RAB3IP: variants seen among roughly 807,000 people sequenced by gnomAD.
The protein encoded by RAB3IP is RAB3A interacting protein.
A neutral mutation model predicts 59.1 loss-of-function variants in RAB3IP; 36 were observed. The ratio of observed to expected loss-of-function variants is 0.61; its 90% CI spans 0.47 to 0.80. The LOEUF is 0.80. RAB3IP is among the 30% of genes least tolerant of loss of function. RAB3IP has a pLI of 0.00. For missense variants in RAB3IP, 511 were observed against 536.0 expected, an observed-to-expected ratio of 0.95 and a Z score of 0.46; for synonymous variants, 207 against 191.2, an observed-to-expected ratio of 1.08 and a Z score of -0.68.
intron 3 of RAB3IP, among the ~76,000 whole-genome samples, chr12:69,757,123 G>C (rs2136130907): frequency 6.6e-6 from 1 of 152,174 alleles, no homozygotes; most frequent in East Asian, 1.9e-4. Flanking sequence ...TTTCCCATTT[G>C]GTCATTTTAA....
chr12:69,762,714 G>A (rs1250326574), intron 3 of RAB3IP, among the ~76,000 whole-genome samples: 1 of 125,640 alleles, frequency 8.0e-6, no homozygotes, highest in Non-Finnish European at 1.6e-5. Flanking sequence ...CTGAGATTGC[G>A]CCACTGCACT....
At chr12:69,786,665 T>G (rs1875701861) in intron 4 of RAB3IP, among the ~76,000 whole-genome samples, 1 of 152,186 alleles carries the variant, frequency 6.6e-6, no homozygotes, top group Non-Finnish European at 1.5e-5. Flanking sequence ...GCATTTAATT[T>G]AGCTAGCCCT....
chr12:69,759,578 G>A (rs1465128137), intron 3 of RAB3IP, among the ~76,000 whole-genome samples: 1 of 143,476 alleles, frequency 7.0e-6, no homozygotes, highest in Non-Finnish European at 1.5e-5. Context: ...AGGCGCCTCC[G>A]ACCTCCCGGA....
At chr12:69,743,503 A>G (rs1887546167) in intron 1 of RAB3IP, among the ~76,000 whole-genome samples, 1 of 152,172 alleles carries the variant, frequency 6.6e-6, no homozygotes, top group Admixed American at 6.5e-5. Flanking sequence ...TTATAAAATC[A>G]TACATTTATG....
At chr12:69,798,342 A>G (rs549600242) in intron 6 of RAB3IP, among the ~76,000 whole-genome samples, 3 of 151,490 alleles carry the variant, frequency 2.0e-5, no homozygotes, top group East Asian at 2.0e-4. Flanking sequence ...GTGTCTGTTC[A>G]TGTCCTTCGC....
intron 8 of RAB3IP, among the ~76,000 whole-genome samples, chr12:69,804,401 T>G (rs907652346): frequency 6.6e-6 from 1 of 152,262 alleles, no homozygotes; most frequent in African/African-American, 2.4e-5. Context: ...ACTAGCCCTT[T>G]GTCAGATGAG....
At position 69,749,155 on chromosome 12, in the gene RAB3IP, G is replaced by GC. The variant is rs568159086; in HGVS notation, c.-25-6229_-25-6228insC. Among the ~76,000 whole-genome samples, 622 of 152,330 alleles carry GC rather than the reference G, an allele frequency of 4.1e-3. 23 individuals carry two copies. The highest frequency in any genetic ancestry group is 6.5e-4 in the Non-Finnish European group (44 of 68,030). On this transcript the variant is annotated intron_variant, in intron 1 of 10. Transcript: ENST00000247833. ...GCCACACAGCAGGAGGTAAGTGGCA[G>GC]AAGGTAAGTGGCGGACAAGCGAGCA...
chr12:69,739,313 G>A (rs1887022641), intron 1 of RAB3IP: 1 of 152,406 alleles, frequency 6.6e-6, no homozygotes, highest in African/African-American at 2.4e-5. Flanking sequence ...GGTGGGCGTC[G>A]GGCGGCGGCT....
rs549748507 is a variant in RAB3IP at position 69,813,251 on chromosome 12, C to T, written c.1300+218C>T. Among the ~76,000 whole-genome samples the T allele has an allele frequency of 5.9e-5, 9 of 152,238 alleles. No individual in the cohort carries two copies. In the East Asian group the frequency reaches 1.7e-3, roughly 29 times the overall value. ...TTGTGTTTAATTATTTTATTTGCCT[C>T]ATTTTACTCTTAATTTTGAATTTTA... On this transcript the variant is annotated intron_variant, in intron 10 of 10. Transcript: ENST00000247833.
At chr12:69,794,181 T>C (rs551045579) in intron 4 of RAB3IP, among the ~76,000 whole-genome samples, 5 of 152,326 alleles carry the variant, frequency 3.3e-5, no homozygotes, top group Non-Finnish European at 4.4e-5. Flanking sequence ...TCACAGTCCT[T>C]ACGCAAGTAT....
At position 69,800,283 on chromosome 12, in the gene RAB3IP, A is replaced by G. The variant is rs1213694218; in HGVS notation, c.963A>G (p.Leu321=). 8 of 1,597,686 alleles carry G rather than the reference A, an allele frequency of 5.0e-6. No homozygotes were observed. The highest frequency in any genetic ancestry group is 6.8e-6 in the Non-Finnish European group (8 of 1,170,780). The part of the protein sequence containing the change: ...EPTMDRTCPF[L]DKIYQEDIFP... Reference sequence around the variant, plus strand: ...CAATGGACAGGACGTGTCCTTTCTTAGACAAAATCTACCAGGAAGATATCT... The same window carrying G: ...CAATGGACAGGACGTGTCCTTTCTTGGACAAAATCTACCAGGAAGATATCT... Residue 321 remains leucine (L), a synonymous_variant, in exon 7 of 11, where the codon TTA becomes TTG. Transcript: ENST00000247833.
At chr12:69,807,440 G>T (rs12301534) in intron 8 of RAB3IP, among the ~76,000 whole-genome samples, 2 of 143,164 alleles carry the variant, frequency 1.4e-5, no homozygotes, top group East Asian at 2.2e-4. Context: ...GGGCGGAGGC[G>T]CTCCTCACAT....
intron 8 of RAB3IP, among the ~76,000 whole-genome samples, chr12:69,807,077 T>C (rs1879445909): frequency 6.6e-6 from 1 of 152,214 alleles, no homozygotes; most frequent in Non-Finnish European, 1.5e-5. Context: ...TGGCCTGTTC[T>C]CGACGGTCGC....
At chr12:69,767,171 T>C (rs1253282117) in intron 3 of RAB3IP, among the ~76,000 whole-genome samples, 9 of 152,184 alleles carry the variant, frequency 5.9e-5, no homozygotes, top group Non-Finnish European at 1.0e-4. Flanking sequence ...TGTTTTTTTC[T>C]TTTCCTTTCT....
At chr12:69,772,831 C>G (rs1004993705) in intron 3 of RAB3IP, among the ~76,000 whole-genome samples, 2 of 152,112 alleles carry the variant, frequency 1.3e-5, no homozygotes, top group Non-Finnish European at 2.9e-5. Context: ...GGTTAATATA[C>G]TACTATTACA....
chr12:69,783,646 C>A (rs1329481780), intron 3 of RAB3IP, among the ~76,000 whole-genome samples: 1 of 152,184 alleles, frequency 6.6e-6, no homozygotes, highest in Admixed American at 6.5e-5. Flanking sequence ...AAACCTTTTG[C>A]TTTCTCTCCG....
intron 1 of RAB3IP, among the ~76,000 whole-genome samples, chr12:69,750,675 A>T (rs1592445445): frequency 7.0e-6 from 1 of 143,230 alleles, no homozygotes; most frequent in Admixed American, 7.1e-5. Context: ...TCTCCTCTGT[A>T]TTTACTATAA....
At chr12:69,740,020 G>C in intron 1 of RAB3IP, 2 of 693,416 alleles carry the variant, frequency 2.9e-6, no homozygotes, top group Non-Finnish European at 5.0e-6. Context: ...CGGGTTAAAA[G>C]CCTTGTAATC....
chr12:69,811,497 T>A (rs1241697720), intron 8 of RAB3IP, among the ~76,000 whole-genome samples: 1 of 152,218 alleles, frequency 6.6e-6, no homozygotes, highest in Non-Finnish European at 1.5e-5. Flanking sequence ...AGCAGGCATA[T>A]GTCTGTTTCC....
Sources: gnomAD v4.1 joint callset for allele counts (sites outside exome capture counted in the v4.1 genomes callset) on GRCh38, gnomAD v4.1.1 for gene constraint, MANE v1.5 for transcripts, NCBI Gene and HGNC (gene_info 2026-07-23, HGNC 2026-07-21) for gene names.